ALMS1: variants seen among roughly 807,000 people sequenced by gnomAD.
The protein encoded by ALMS1 is ALMS1 centrosome and basal body associated protein.
Under a neutral mutation model 352.2 loss-of-function variants are expected in ALMS1, and 271 were observed. The observed-to-expected ratio is 0.77, with a 90% CI of 0.70 to 0.85. The LOEUF is 0.85. Among genes scored for constraint, ALMS1 ranks in the 40% least tolerant of loss-of-function variants. The pLI, the probability that ALMS1 is intolerant of heterozygous loss-of-function variation, is 0.00. For synonymous variants in ALMS1, 1,865 were observed against 1,761.2 expected (o/e 1.06, Z -1.48); for missense variants, 5,445 against 4,870.7 (o/e 1.12, Z -3.51).
chr2:73,444,662 A>G (rs1344168382), intron 7 of ALMS1, among the ~76,000 whole-genome samples: 1 of 152,216 alleles, frequency 6.6e-6, no homozygotes, highest in African/African-American at 2.4e-5. Flanking sequence ...TTTGTATTGC[A>G]AGTTATTTAA....
chr2:73,585,725 C>CTTTTT (rs1437355181), intron 16 of ALMS1, among the ~76,000 whole-genome samples: 2 of 89,294 alleles, frequency 2.2e-5, no homozygotes, highest in Non-Finnish European at 4.3e-5. Context: ...CACTTCTTGG[C>CTTTTT]CTTTTTTTTT....
At chr2:73,498,642 T>G (rs1196386303) in intron 10 of ALMS1, among the ~76,000 whole-genome samples, 4 of 152,082 alleles carry the variant, frequency 2.6e-5, no homozygotes, top group Non-Finnish European at 5.9e-5. Context: ...ATTTTTAGAT[T>G]CCACAAATAA....
intron 16 of ALMS1, among the ~76,000 whole-genome samples, chr2:73,580,977 C>T (rs1394449457): frequency 1.3e-5 from 2 of 152,238 alleles, no homozygotes; most frequent in East Asian, 3.8e-4. Context: ...CCATTCACAA[C>T]TCTCTGCCTT....
At chr2:73,427,859 T>G (rs1671412728) in intron 6 of ALMS1, among the ~76,000 whole-genome samples, 1 of 152,208 alleles carries the variant, frequency 6.6e-6, no homozygotes, top group South Asian at 2.1e-4. Flanking sequence ...TTAAATACAG[T>G]TAGATAAAAT....
chr2:73,489,831 C>G lies in ALMS1; in HGVS notation c.7872C>G (p.Ala2624=), dbSNP rs760554464. 2.5e-6 allele frequency: 4 copies of G among 1,614,200 alleles called. No individual in the cohort carries two copies. In the South Asian group the frequency reaches 4.4e-5, roughly 18 times the overall value. The change falls in exon 10 of 23, where the codon GCC becomes GCG. Residue 2624 remains alanine, a synonymous_variant. Coordinates refer to ENST00000613296, the MANE Select transcript of ALMS1 (RefSeq NM_001378454.1). The stretch of plus-strand genomic sequence containing the variant: ...GGCAGAACCCATCATCATGCAGAGC[C>G]AAGCATGTCAACCTTTCTGCATCCT... ...RGRQNPSSCR[A]KHVNLSASLD... is the part of the protein sequence containing the mutation.
intron 9 of ALMS1, among the ~76,000 whole-genome samples, chr2:73,488,193 CA>C (rs1402631309): frequency 6.6e-6 from 1 of 152,190 alleles, no homozygotes; most frequent in Non-Finnish European, 1.5e-5. Context: ...CTGTTTATGT[CA>C]GGGGGCGCCT....
chr2:73,576,178 C>G (rs1046369517), intron 16 of ALMS1, among the ~76,000 whole-genome samples: 1 of 152,168 alleles, frequency 6.6e-6, no homozygotes, highest in Non-Finnish European at 1.5e-5. Context: ...CTATATATCT[C>G]TCTTTATGCC....
chr2:73,542,096 A>G lies in ALMS1; in HGVS notation c.9907+7147A>G, dbSNP rs1039232892. Among the ~76,000 whole-genome samples, 7 of 152,284 alleles carry G rather than the reference A, an allele frequency of 4.6e-5. No individual in the cohort carries two copies. The South Asian group carries it at 1.0e-3, about 23-fold the overall frequency. On this transcript the variant is annotated intron_variant, in intron 12 of 22. Transcript: ENST00000613296. The stretch of plus-strand genomic sequence containing the variant: ...AGAATTTTAGACCAATATCCCTGAT[A>G]AACATTGATGCAAAAATCCTCAATA...
intron 7 of ALMS1, among the ~76,000 whole-genome samples, chr2:73,440,807 A>T (rs2103755337): frequency 6.6e-6 from 1 of 152,302 alleles, no homozygotes; most frequent in South Asian, 2.1e-4. Context: ...CATTTTGGAT[A>T]TTATGTTAGG....
chr2:73,474,158 G>A (rs1245838402), intron 9 of ALMS1, among the ~76,000 whole-genome samples: 6 of 151,476 alleles, frequency 4.0e-5, no homozygotes, highest in South Asian at 2.1e-4. Flanking sequence ...TTTAAATCTG[G>A]TTTTGAAGTC....
At chr2:73,446,106 A>G (rs1276282901) in intron 7 of ALMS1, among the ~76,000 whole-genome samples, 2 of 152,118 alleles carry the variant, frequency 1.3e-5, no homozygotes, top group Non-Finnish European at 2.9e-5. Context: ...AACATCGTGC[A>G]TCTCCTCCCT....
intron 12 of ALMS1, among the ~76,000 whole-genome samples, chr2:73,539,746 G>A (rs1412682972): frequency 6.6e-6 from 1 of 152,182 alleles, no homozygotes; most frequent in Non-Finnish European, 1.5e-5. Context: ...CTCAGTAGCC[G>A]ATTTGATCAA....
chr2:73,539,377 G>A (rs1056740790), intron 12 of ALMS1, among the ~76,000 whole-genome samples: 3 of 152,102 alleles, frequency 2.0e-5, no homozygotes, highest in Middle Eastern at 3.2e-3. Flanking sequence ...CCATCTGTAC[G>A]TCACCATCAT....
intron 1 of ALMS1, among the ~76,000 whole-genome samples, chr2:73,390,869 C>A (rs1670629413): frequency 6.6e-6 from 1 of 151,946 alleles, no homozygotes; most frequent in Admixed American, 6.6e-5. Flanking sequence ...CTCCCGGGTT[C>A]AAGTGATTCT....
chr2:73,573,407 A>G lies in ALMS1; in HGVS notation c.11530A>G (p.Arg3844Gly). The G allele has an allele frequency of 6.2e-7, 1 of 1,614,062 alleles. No homozygotes were observed. The change falls in exon 16 of 23, where the codon AGA (arginine) becomes GGA (glycine). Residue 3844 changes from arginine to glycine, a missense_variant. Arg to Gly is a moderately radical substitution (Grantham distance 125, BLOSUM62 -2). Transcript: ENST00000613296. ...TCCCCTAGTGACTTCTGAGCACACC[A>G]GAAGGAGACACATCCAGGTACATGG... is the stretch of plus-strand genomic sequence containing the variant. ...GHPLVTSEHTRRRHIQVANHV... is the reference protein window; with the variant it reads ...GHPLVTSEHTGRRHIQVANHV...
chr2:73,395,308 G>T (rs1186856574), intron 1 of ALMS1, among the ~76,000 whole-genome samples: 1 of 151,332 alleles, frequency 6.6e-6, no homozygotes, highest in Admixed American at 6.6e-5. Context: ...CCGAACTCCT[G>T]ACTCAAGTGA....
chr2:73,566,170 AAATT>A (rs887808198), intron 15 of ALMS1, among the ~76,000 whole-genome samples: 28 of 152,378 alleles, frequency 1.8e-4, no homozygotes, highest in African/African-American at 6.3e-4. Context: ...TTATTTTAAA[AAATT>A]AATGCATTCT....
chr2:73,534,402 G>C (rs1348662139), intron 11 of ALMS1, among the ~76,000 whole-genome samples: 1 of 152,096 alleles, frequency 6.6e-6, no homozygotes, highest in East Asian at 1.9e-4. Flanking sequence ...TTATGACCAG[G>C]TTAGGGTTCG....
intron 9 of ALMS1, chr2:73,456,895 G>C (rs968868193): frequency 1.3e-5 from 2 of 151,906 alleles, no homozygotes; most frequent in African/African-American, 4.8e-5. Context: ...TTATTTTCTT[G>C]CGTTCATATT....
Sources: allele counts gnomAD v4.1 joint callset (sites outside exome capture counted in the v4.1 genomes callset), GRCh38; gene constraint gnomAD v4.1.1; transcripts MANE v1.5; gene names NCBI Gene and HGNC (gene_info 2026-07-23, HGNC 2026-07-21).